KCNMA1: variants seen among roughly 807,000 people sequenced by gnomAD.
KCNMA1 encodes potassium calcium-activated channel subfamily M alpha 1, also known as Calcium-activated potassium channel subunit alpha-1.
KCNMA1 carries 29 observed loss-of-function variants against 140.0 expected under a neutral mutation model. The ratio of observed to expected loss-of-function variants is 0.21; its 90% CI spans 0.15 to 0.28. The LOEUF is 0.28. Ranked by LOEUF, KCNMA1 falls within the 10% of genes least tolerant of loss-of-function variation. The probability of loss-of-function intolerance (pLI) is 1.00; values close to 1 mark genes in which losing one functional copy is unlikely to be tolerated. For synonymous variants in KCNMA1, 612 were observed against 611.9 expected (o/e 1.00, Z 0.00); for missense variants, 880 against 1,602.2 (o/e 0.55, Z 7.70).
At chr10:77,245,885 C>T (rs949896354) in intron 3 of KCNMA1, among the ~76,000 whole-genome samples, 5 of 152,128 alleles carry the variant, frequency 3.3e-5, no homozygotes, top group Non-Finnish European at 7.3e-5. Context: ...TGCCACTCCA[C>T]TGAGATAACA....
intron 19 of KCNMA1, among the ~76,000 whole-genome samples, chr10:76,989,796 C>G (rs939730242): frequency 7.3e-6 from 1 of 136,564 alleles, no homozygotes; most frequent in African/African-American, 2.8e-5. Context: ...AGCTTGATGA[C>G]AGTCAGTCAT....
chr10:77,588,442 A>T (rs1371972770), intron 1 of KCNMA1, among the ~76,000 whole-genome samples: 2 of 152,194 alleles, frequency 1.3e-5, no homozygotes, highest in East Asian at 3.9e-4. Context: ...GTGGGACTGC[A>T]GTCTGGGCCC....
intron 1 of KCNMA1, among the ~76,000 whole-genome samples, chr10:77,441,207 A>C (rs1490952914): frequency 6.6e-6 from 1 of 152,160 alleles, no homozygotes; most frequent in African/African-American, 2.4e-5. Flanking sequence ...GGGTGCAGGA[A>C]GGGTGAGCTG....
chr10:76,952,395 C>A lies in KCNMA1; in HGVS notation c.2484+1406G>T, dbSNP rs1371084279. Among the ~76,000 whole-genome samples the A allele has an allele frequency of 2.0e-5, 3 of 151,986 alleles. No homozygotes were observed. In the South Asian group the frequency reaches 6.2e-4, roughly 32 times the overall value. On this transcript the variant is annotated intron_variant, in intron 21 of 27. Transcript: ENST00000286628. ...AATAACTGGGTATGGTGGCGCGAAC[C>A]TATAGTCCCAGCTACTCGGGAGGCT...
rs186155892 is a variant in KCNMA1 at position 76,904,112 on chromosome 10, T to G, written c.3147+5854A>C. On this transcript the variant is annotated intron_variant, in intron 25 of 27. Transcript: ENST00000286628. Reference sequence around the variant, plus strand: ...AATACGTATCTGCTCTGTGAAAGATTTTTATATGCCTTTGCCATTCTCCAA... The same window carrying G: ...AATACGTATCTGCTCTGTGAAAGATGTTTATATGCCTTTGCCATTCTCCAA... 3.3e-4 allele frequency: 51 copies of G among 152,314 alleles called. 1 individual carries two copies. The highest frequency in any genetic ancestry group is 1.2e-3 in the African/African-American group (51 of 41,568). 9.4% of individuals were successfully genotyped at this position (152,314 alleles called of 1,614,324 possible).
chr10:77,508,018 G>A (rs558720651), intron 1 of KCNMA1, among the ~76,000 whole-genome samples: 2 of 152,162 alleles, frequency 1.3e-5, no homozygotes, highest in African/African-American at 2.4e-5. Flanking sequence ...TATCTACTTG[G>A]GAAACTAATA....
intron 1 of KCNMA1, among the ~76,000 whole-genome samples, chr10:77,619,930 G>A (rs1292546813): frequency 6.6e-6 from 1 of 152,178 alleles, no homozygotes; most frequent in East Asian, 1.9e-4. Context: ...TGGAAGGGAA[G>A]GAGTAGGCCA....
chr10:77,324,808 T>C (rs1277790754), intron 2 of KCNMA1, among the ~76,000 whole-genome samples: 2 of 152,138 alleles, frequency 1.3e-5, no homozygotes, highest in Non-Finnish European at 2.9e-5. Flanking sequence ...CAGGCTATGG[T>C]GGAGGCAACA....
intron 2 of KCNMA1, among the ~76,000 whole-genome samples, chr10:77,291,401 C>T (rs1254211333): frequency 6.6e-6 from 1 of 152,048 alleles, no homozygotes; most frequent in Non-Finnish European, 1.5e-5. Context: ...AAGGTACCAC[C>T]TCAGCAAGAA....
intron 14 of KCNMA1, among the ~76,000 whole-genome samples, chr10:77,053,582 C>T (rs1384250718): frequency 2.6e-5 from 4 of 152,172 alleles, no homozygotes; most frequent in Non-Finnish European, 4.4e-5. Context: ...GCTCCAGGGA[C>T]CTTCCCCGAC....
At position 76,889,308 on chromosome 10, in the gene KCNMA1, A is replaced by G. The variant is rs562840616; in HGVS notation, c.3461+143T>C. The G allele has an allele frequency of 9.7e-4, 657 of 677,356 alleles. 6 individuals are homozygous for G. In the South Asian group the frequency reaches 0.012, roughly 12 times the overall value. 42.0% of individuals were successfully genotyped at this position (677,356 alleles called of 1,614,324 possible). On this transcript the variant is annotated intron_variant, in intron 27 of 27. Transcript: ENST00000286628. ...GAAAAATGCTTCCCATCACCTCCAAACTCAGTGTTGGATTTAATATGGGCA... is the reference window on the plus strand; with the variant it reads ...GAAAAATGCTTCCCATCACCTCCAAGCTCAGTGTTGGATTTAATATGGGCA...
chr10:77,193,721 C>T (rs2039441064), intron 3 of KCNMA1, among the ~76,000 whole-genome samples: 2 of 152,144 alleles, frequency 1.3e-5, no homozygotes, highest in African/African-American at 2.4e-5. Context: ...CCAACCCCAA[C>T]CCCACTCTGG....
At chr10:77,479,694 C>T (rs959387527) in intron 1 of KCNMA1, among the ~76,000 whole-genome samples, 8 of 152,082 alleles carry the variant, frequency 5.3e-5, no homozygotes, top group Non-Finnish European at 7.4e-5. Flanking sequence ...AGTTTGTAAC[C>T]GGACCCCAGA....
intron 2 of KCNMA1, among the ~76,000 whole-genome samples, chr10:77,260,673 T>C (rs760905768): frequency 1.2e-4 from 19 of 152,016 alleles, no homozygotes; most frequent in Non-Finnish European, 2.2e-4. Context: ...CATACCACTG[T>C]ACTCCAGCCT....
Position 77,637,793 on chromosome 10 carries a change from G to T in KCNMA1, c.-151C>A. 8.0e-7 allele frequency: 1 copy of T among 1,253,210 alleles called. No individual in the cohort carries two copies. The highest frequency in any genetic ancestry group is 1.0e-6 in the Non-Finnish European group (1 of 1,000,232). 77.6% of individuals were successfully genotyped at this position (1,253,210 alleles called of 1,614,324 possible). A position where few individuals can be genotyped will look rare whatever the true frequency, so the allele number is the denominator to read the frequency against. On this transcript the variant is annotated 5_prime_UTR_variant, in exon 1 of 28. Transcript: ENST00000286628. ...GGGAGGGGGGCGGGGAGGCGCCTGG[G>T]CTCGGGGCGCTGTGCGCGACCTGGC... is the stretch of plus-strand genomic sequence containing the variant.
chr10:77,215,863 C>G (rs1264279689), intron 3 of KCNMA1, among the ~76,000 whole-genome samples: 1 of 150,996 alleles, frequency 6.6e-6, no homozygotes, highest in African/African-American at 2.4e-5. Flanking sequence ...GTGAGCTTGC[C>G]CCTCCCCCCC....
chr10:77,220,620 T>A (rs370899786), intron 3 of KCNMA1, among the ~76,000 whole-genome samples: 9 of 152,230 alleles, frequency 5.9e-5, no homozygotes, highest in African/African-American at 2.2e-4. Context: ...GGGTCTTTTC[T>A]AGACAAAAGG....
rs539908963 is a variant in KCNMA1, at chr10:77,599,758, A to G, written c.378+37507T>C. ...TAATAGAGGTCTGCAAAACAAGGGG[A>G]TGCCTCTACCCAATACTGCCTTTCA... On this transcript the variant is annotated intron_variant, in intron 1 of 27. Transcript: ENST00000286628. Among the ~76,000 whole-genome samples, 3 of 152,210 alleles carry G rather than the reference A, an allele frequency of 2.0e-5. No homozygotes were observed. The South Asian group carries it at 6.2e-4, about 32-fold the overall frequency.
chr10:77,099,673 C>T (rs1286345058), intron 9 of KCNMA1, among the ~76,000 whole-genome samples: 2 of 150,294 alleles, frequency 1.3e-5, no homozygotes, highest in Non-Finnish European at 3.0e-5. Context: ...AAGATTGCGC[C>T]ATTGCACTCC....
Sources: gnomAD v4.1 joint callset for allele counts (sites outside exome capture counted in the v4.1 genomes callset) on GRCh38, gnomAD v4.1.1 for gene constraint, MANE v1.5 for transcripts, NCBI Gene and HGNC (gene_info 2026-07-23, HGNC 2026-07-21) for gene names.